Variants in KIF16B observed in about 807,000 individuals in gnomAD.
KIF16B encodes the protein kinesin family member 16B.
In KIF16B, 98 loss-of-function variants were observed where a neutral mutation model predicts 156.3. That is an observed-to-expected ratio of 0.63 (90% CI 0.53 to 0.74). KIF16B has a LOEUF of 0.74. KIF16B is among the 30% of genes least tolerant of loss of function. The pLI is 0.00. For missense variants in KIF16B, 1,421 were observed against 1,606.5 expected, an observed-to-expected ratio of 0.88 and a Z score of 1.97; for synonymous variants, 564 against 583.7, an observed-to-expected ratio of 0.97 and a Z score of 0.49.
At chr20:16,295,396 C>T (rs912605384) in intron 25 of KIF16B, among the ~76,000 whole-genome samples, 7 of 151,866 alleles carry the variant, frequency 4.6e-5, no homozygotes, top group Admixed American at 2.6e-4. Context: ...ATACTATATA[C>T]AATATTGAAT....
intron 15 of KIF16B, among the ~76,000 whole-genome samples, chr20:16,406,697 T>C (rs1028763140): frequency 6.6e-6 from 1 of 152,134 alleles, no homozygotes; most frequent in African/African-American, 2.4e-5. Context: ...CCAGCAGAAG[T>C]GATGAATCTA....
Position 16,546,436 on chromosome 20 carries a change from T to C in KIF16B, c.48-17996A>G, listed in dbSNP as rs537244291. Among the ~76,000 whole-genome samples the C allele has an allele frequency of 1.1e-4, 17 of 152,356 alleles. No homozygotes were observed. In the East Asian group the frequency reaches 1.3e-3, roughly 12 times the overall value. The stretch of plus-strand genomic sequence containing the variant: ...GTTAATGTTTACCGTGTCTCTACTA[T>C]GTGCCAGCTACTATTTGCAGCACCT... On this transcript the variant is annotated intron_variant, in intron 1 of 25. Transcript: ENST00000354981.
At chr20:16,433,347 A>C (rs546587838) in intron 12 of KIF16B, among the ~76,000 whole-genome samples, 2 of 152,042 alleles carry the variant, frequency 1.3e-5, no homozygotes, top group East Asian at 3.9e-4. Flanking sequence ...AGAAGTAGAC[A>C]ATAACCCCCC....
chr20:16,284,611 C>A (rs1398313915), intron 25 of KIF16B, among the ~76,000 whole-genome samples: 1 of 152,164 alleles, frequency 6.6e-6, no homozygotes, highest in Non-Finnish European at 1.5e-5. Context: ...ATTAAGCACA[C>A]AGGGACACTC....
chr20:16,562,695 T>G (rs2071109330), intron 1 of KIF16B, among the ~76,000 whole-genome samples: 1 of 152,202 alleles, frequency 6.6e-6, no homozygotes, highest in Admixed American at 6.5e-5. Context: ...TCAGAGAGTT[T>G]AAGAGATAAT....
chr20:16,478,215 AT>A (rs1233342296), intron 12 of KIF16B, among the ~76,000 whole-genome samples: 1 of 152,068 alleles, frequency 6.6e-6, no homozygotes, highest in Non-Finnish European at 1.5e-5. Context: ...CTAACAGAAA[AT>A]TTTTTCCATA....
intron 12 of KIF16B, among the ~76,000 whole-genome samples, chr20:16,491,615 G>A (rs949305972): frequency 6.6e-6 from 1 of 152,154 alleles, no homozygotes; most frequent in Non-Finnish European, 1.5e-5. Context: ...TGGGAAGTAG[G>A]GTACGTGGCA....
chr20:16,567,098 T>G (rs907201530), intron 1 of KIF16B, among the ~76,000 whole-genome samples: 13 of 152,308 alleles, frequency 8.5e-5, no homozygotes, highest in African/African-American at 3.1e-4. Context: ...TGAAAGGACT[T>G]TAGGAAGTTA....
intron 1 of KIF16B, among the ~76,000 whole-genome samples, chr20:16,530,950 C>A (rs896763069): frequency 6.6e-6 from 1 of 152,172 alleles, no homozygotes; most frequent in Non-Finnish European, 1.5e-5. Context: ...ATCCACCCGC[C>A]TCGACCTCCC....
chr20:16,287,506 G>T (rs1326731788), intron 25 of KIF16B, among the ~76,000 whole-genome samples: 5 of 152,154 alleles, frequency 3.3e-5, no homozygotes, highest in Non-Finnish European at 5.9e-5. Flanking sequence ...TCTTCTTTAT[G>T]AGTTTAATGA....
chr20:16,498,094 C>T (rs957956179), intron 10 of KIF16B, among the ~76,000 whole-genome samples: 2 of 152,092 alleles, frequency 1.3e-5, no homozygotes, highest in Admixed American at 6.5e-5. Context: ...GAAAATGAAA[C>T]GCATTTATTT....
At chr20:16,519,373 C>T (rs1281453597) in intron 3 of KIF16B, among the ~76,000 whole-genome samples, 1 of 152,208 alleles carries the variant, frequency 6.6e-6, no homozygotes. Flanking sequence ...CTCAGCTCCC[C>T]AAGTAGCTGG....
intron 12 of KIF16B, among the ~76,000 whole-genome samples, chr20:16,463,294 G>C (rs1315486450): frequency 6.6e-6 from 1 of 152,112 alleles, no homozygotes; most frequent in African/African-American, 2.4e-5. Flanking sequence ...TATTTCCCTG[G>C]ACAATGATGC....
chr20:16,332,956 T>TC (rs2063973910), intron 24 of KIF16B, among the ~76,000 whole-genome samples: 1 of 152,138 alleles, frequency 6.6e-6, no homozygotes, highest in African/African-American at 2.4e-5. Context: ...ACCCCAACCA[T>TC]CCATACTCGG....
At chr20:16,386,209 T>G (rs2065225731) in intron 17 of KIF16B, among the ~76,000 whole-genome samples, 1 of 152,082 alleles carries the variant, frequency 6.6e-6, no homozygotes, top group Admixed American at 6.5e-5. Context: ...TCAGAAAGAT[T>G]ACAGACTTCA....
At chr20:16,430,101 G>GA in intron 12 of KIF16B, 119 bp from the exon 13 acceptor site, 1 of 1,062,434 alleles carries the variant, frequency 9.4e-7, no homozygotes, top group Non-Finnish European at 1.3e-6. Flanking sequence ...AAAACTGCAA[G>GA]AAAAATGGAC....
Position 16,427,255 on chromosome 20 carries a change from A to G in KIF16B, c.1475-14T>C, listed in dbSNP as rs1309101876. 3 of 1,598,626 alleles carry G rather than the reference A, an allele frequency of 1.9e-6. No homozygotes were observed. Among genetic ancestry groups the G allele is most frequent in the Non-Finnish European group, 2.6e-6 (3 of 1,174,274 alleles). On this transcript the variant is annotated splice_polypyrimidine_tract_variant and intron_variant, in intron 14 of 25. Coordinates refer to ENST00000354981, the MANE Select transcript of KIF16B (RefSeq NM_024704.5). ...GGCCATGAAGAACTAAAGTGGAAAA[A>G]CAAAGTAGAAAGAATTTTTCCCCCT...
At position 16,384,841 on chromosome 20, in the gene KIF16B, A is replaced by C. The variant is rs118001015; in HGVS notation, c.1785-3094T>G. Among the ~76,000 whole-genome samples, 170 of 152,194 alleles carry C rather than the reference A, an allele frequency of 1.1e-3. 1 individual carries two copies. The East Asian group carries it at 0.019, about 17-fold the overall frequency. On this transcript the variant is annotated intron_variant, in intron 17 of 25. Coordinates refer to ENST00000354981, the MANE Select transcript of KIF16B (RefSeq NM_024704.5). Reference sequence around the variant, plus strand: ...TGGGGACAGGGACCACATTTCTCTTACAGACTGTTGCAGCCTCTTGCCTAG... The same window carrying C: ...TGGGGACAGGGACCACATTTCTCTTCCAGACTGTTGCAGCCTCTTGCCTAG...
At chr20:16,512,083 G>T (rs892900352) in intron 5 of KIF16B, among the ~76,000 whole-genome samples, 1 of 151,956 alleles carries the variant, frequency 6.6e-6, no homozygotes, top group African/African-American at 2.4e-5. Flanking sequence ...GGAGGTGGAG[G>T]TTGCAATGAG....
Sources: gnomAD v4.1 joint callset for allele counts (sites outside exome capture counted in the v4.1 genomes callset) on GRCh38, gnomAD v4.1.1 for gene constraint, MANE v1.5 for transcripts, NCBI Gene and HGNC (gene_info 2026-07-23, HGNC 2026-07-21) for gene names.